The following PDE4D variants were observed in gnomAD, a reference collection of about 807,000 sequenced individuals.
PDE4D encodes phosphodiesterase 4D, also known as 3',5'-cyclic-AMP phosphodiesterase 4D.
PDE4D carries 24 observed loss-of-function variants against 87.4 expected under a neutral mutation model. The ratio of observed to expected loss-of-function variants is 0.27; its 90% CI spans 0.20 to 0.39. The LOEUF (loss-of-function observed/expected upper bound fraction) is 0.39. Among genes scored for constraint, PDE4D ranks in the 10% least tolerant of loss-of-function variants. The pLI, the probability that PDE4D is intolerant of heterozygous loss-of-function variation, is 1.00. For synonymous variants in PDE4D, 384 were observed against 383.2 expected, an observed-to-expected ratio of 1.00 and a Z score of -0.02; for missense variants, 714 against 1,041.0, an observed-to-expected ratio of 0.69 and a Z score of 4.32.
chr5:59,362,807 A>C (rs1249709121), intron 1 of PDE4D, among the ~76,000 whole-genome samples: 1 of 152,176 alleles, frequency 6.6e-6, no homozygotes, highest in Non-Finnish European at 1.5e-5. Context: ...GAGAAACAAA[A>C]TCACTCCCTT....
chr5:60,216,396 G>A (rs546469343), intron 1 of PDE4D, among the ~76,000 whole-genome samples: 2 of 152,048 alleles, frequency 1.3e-5, no homozygotes, highest in South Asian at 2.1e-4. Context: ...TCTTGGTAGT[G>A]GCATACCTAC....
At chr5:60,349,762 C>A (rs991741014) in intron 1 of PDE4D, among the ~76,000 whole-genome samples, 1 of 152,082 alleles carries the variant, frequency 6.6e-6, no homozygotes, top group African/African-American at 2.4e-5. Flanking sequence ...AATCCTAAAT[C>A]TTTTTGAGGT....
At chr5:59,592,995 T>C (rs1826122344) in intron 1 of PDE4D, among the ~76,000 whole-genome samples, 1 of 151,856 alleles carries the variant, frequency 6.6e-6, no homozygotes, top group Non-Finnish European at 1.5e-5. Flanking sequence ...AATTTTTTAA[T>C]AAGAAGAGCT....
At chr5:59,403,096 A>G (rs1250722328) in intron 1 of PDE4D, among the ~76,000 whole-genome samples, 1 of 143,056 alleles carries the variant, frequency 7.0e-6, no homozygotes, top group East Asian at 1.9e-4. Context: ...CCAAAACATA[A>G]TTTTTTAAAT....
chr5:60,348,129 C>T (rs79505253), intron 1 of PDE4D, among the ~76,000 whole-genome samples: 2,451 of 152,200 alleles, frequency 0.016, 67 homozygotes, highest in East Asian at 0.13. Flanking sequence ...AGTCTTGATA[C>T]TGTCCCTTGG....
chr5:59,784,805 G>A (rs989032379), intron 1 of PDE4D, among the ~76,000 whole-genome samples: 5 of 152,186 alleles, frequency 3.3e-5, no homozygotes, highest in African/African-American at 1.2e-4. Context: ...CCTGGTGGGA[G>A]ATAATTGAAT....
At chr5:59,798,982 T>G (rs908080871) in intron 1 of PDE4D, among the ~76,000 whole-genome samples, 1 of 152,160 alleles carries the variant, frequency 6.6e-6, no homozygotes, top group African/African-American at 2.4e-5. Flanking sequence ...GCAGAACTTT[T>G]CACAATCTGT....
intron 1 of PDE4D, among the ~76,000 whole-genome samples, chr5:59,270,745 A>C (rs1361832671): frequency 6.6e-6 from 1 of 152,212 alleles, no homozygotes; most frequent in African/African-American, 2.4e-5. Context: ...TATTCACAAC[A>C]TGAACACTTT....
chr5:59,250,313 C>T (rs922273151), intron 1 of PDE4D, among the ~76,000 whole-genome samples: 6 of 138,000 alleles, frequency 4.3e-5, no homozygotes, highest in African/African-American at 1.6e-4. Context: ...ACTGTCTCTA[C>T]AAAAAAAAAA....
At chr5:59,866,342 G>A (rs1747037122) in intron 1 of PDE4D, among the ~76,000 whole-genome samples, 1 of 152,204 alleles carries the variant, frequency 6.6e-6, no homozygotes, top group East Asian at 1.9e-4. Flanking sequence ...TCACATTCTA[G>A]TAAAAGAAAT....
chr5:59,176,597 ATGTCAAATGCAATAACCT>A (rs1457185180), intron 5 of PDE4D, among the ~76,000 whole-genome samples: 1 of 152,100 alleles, frequency 6.6e-6, no homozygotes, highest in East Asian at 1.9e-4. Context: ...GCTTTAATAC[ATGTCAAATGCAATAACCT>A]TGAAAAGAGG....
intron 1 of PDE4D, among the ~76,000 whole-genome samples, chr5:60,390,783 T>C (rs1762511669): frequency 6.6e-6 from 1 of 152,064 alleles, no homozygotes; most frequent in African/African-American, 2.4e-5. Flanking sequence ...CTATTCACCA[T>C]CTCCCATCCC....
Position 59,331,493 on chromosome 5 carries a change from A to G in PDE4D, c.456-115525T>C, listed in dbSNP as rs1205855334. Among the ~76,000 whole-genome samples, 6 of 152,148 alleles carry G rather than the reference A, an allele frequency of 3.9e-5. No homozygotes were observed. The South Asian group carries it at 6.2e-4, about 16-fold the overall frequency. On this transcript the variant is annotated intron_variant, in intron 1 of 14. Coordinates refer to ENST00000340635, the MANE Select transcript of PDE4D (RefSeq NM_001104631.2). ...TCAAAATCACCTATTTACAGGCTCA[A>G]TCTTCAAATAAAGCCACATTCTGAG... is the stretch of plus-strand genomic sequence containing the variant.
intron 1 of PDE4D, among the ~76,000 whole-genome samples, chr5:59,827,344 A>T (rs146395616): frequency 2.0e-5 from 3 of 152,206 alleles, no homozygotes; most frequent in Admixed American, 6.5e-5. Flanking sequence ...TGATTTCAGG[A>T]CCCTAAAGAA....
At chr5:60,328,184 C>T (rs1756977065) in intron 1 of PDE4D, among the ~76,000 whole-genome samples, 1 of 152,146 alleles carries the variant, frequency 6.6e-6, no homozygotes, top group South Asian at 2.1e-4. Context: ...GACCTCCTTC[C>T]ATACAATGAC....
intron 11 of PDE4D, among the ~76,000 whole-genome samples, chr5:58,980,948 G>T (rs1052754513): frequency 6.6e-6 from 1 of 152,120 alleles, no homozygotes; most frequent in Non-Finnish European, 1.5e-5. Flanking sequence ...CAGGAACCCT[G>T]ATGTTAGAGG....
chr5:59,800,439 A>G (rs1465713226), intron 1 of PDE4D, among the ~76,000 whole-genome samples: 4 of 152,196 alleles, frequency 2.6e-5, no homozygotes, highest in Non-Finnish European at 5.9e-5. Flanking sequence ...GCTATTCTCA[A>G]TTACCCTTAA....
intron 1 of PDE4D, among the ~76,000 whole-genome samples, chr5:59,792,861 G>T (rs1000551551): frequency 3.9e-5 from 6 of 152,192 alleles, no homozygotes; most frequent in Non-Finnish European, 4.4e-5. Flanking sequence ...GGAGATTTGA[G>T]AAAAGAGTGA....
chr5:59,130,628 T>C (rs962966036), intron 5 of PDE4D, among the ~76,000 whole-genome samples: 2 of 152,164 alleles, frequency 1.3e-5, no homozygotes, highest in Non-Finnish European at 2.9e-5. Context: ...AAGTCCTAGA[T>C]TGCATATGAT....
Sources: allele counts gnomAD v4.1 joint callset (sites outside exome capture counted in the v4.1 genomes callset), GRCh38; gene constraint gnomAD v4.1.1; transcripts MANE v1.5; gene names NCBI Gene and HGNC (gene_info 2026-07-23, HGNC 2026-07-21).